Variants in USP8 observed in about 807,000 individuals in gnomAD.
USP8 encodes the protein ubiquitin specific peptidase 8.
A neutral mutation model predicts 130.0 loss-of-function variants in USP8; 27 were observed. That is an observed-to-expected ratio of 0.21 (90% CI 0.15 to 0.29). USP8 has a LOEUF of 0.29. USP8 is among the 10% of genes least tolerant of loss of function. The pLI is 1.00. For synonymous variants in USP8, 392 were observed against 444.1 expected (o/e 0.88, Z 1.48); for missense variants, 1,029 against 1,312.2 (o/e 0.78, Z 3.33).
At chr15:50,475,730 G>A (rs2051546372) in intron 8 of USP8, among the ~76,000 whole-genome samples, 1 of 152,068 alleles carries the variant, frequency 6.6e-6, no homozygotes, top group Non-Finnish European at 1.5e-5. Context: ...AGCCTCCCAA[G>A]TAGCTGGGAT....
chr15:50,459,648 A>T (rs1033483544), intron 5 of USP8, among the ~76,000 whole-genome samples: 1 of 152,158 alleles, frequency 6.6e-6, no homozygotes. Flanking sequence ...TTTTTCTGTG[A>T]ATTTCTATGG....
At position 50,494,160 on chromosome 15, in the gene USP8, T is replaced by G. The variant is rs1379667337; in HGVS notation, c.2538T>G (p.Ser846Arg). ...GGACAGGACAGTATAGATATATCAG[T>G]CCAAAGGACTTTAAAATCACCATTG... ...ALWTGQYRYI[S>R]PKDFKITIGK... The change falls in exon 16 of 20, where the codon AGT becomes AGG. Residue 846 changes from serine (S) to arginine (R), a missense_variant. By Grantham distance (110) the Ser-to-Arg change is moderately radical. Around this residue, in one of 4 missense-constraint regions of USP8, gnomAD observed 257 missense variants for 429.8 expected, o/e 0.60. Coordinates refer to ENST00000307179, the MANE Select transcript of USP8 (RefSeq NM_005154.5). The G allele has an allele frequency of 6.2e-7, 1 of 1,613,288 alleles. No homozygotes were observed. Among genetic ancestry groups the G allele is most frequent in the Non-Finnish European group, 8.5e-7 (1 of 1,179,944 alleles).
intron 3 of USP8, among the ~76,000 whole-genome samples, chr15:50,446,502 A>T (rs2050445682): frequency 6.6e-6 from 1 of 152,228 alleles, no homozygotes; most frequent in African/African-American, 2.4e-5. Flanking sequence ...ATTTATTCAG[A>T]ATGATTACAT....
rs529218832 is a variant in USP8, at chr15:50,496,118, T to C, written c.2895+34T>C. On this transcript the variant is annotated intron_variant, in intron 17 of 19. Transcript: ENST00000307179. Reference sequence around the variant, plus strand: ...AAGAAGTAGAGAGAAAATGATTTATTGGATAAAAATGCTGTTTTTATGGAT... The same window carrying C: ...AAGAAGTAGAGAGAAAATGATTTATCGGATAAAAATGCTGTTTTTATGGAT... The C allele has an allele frequency of 6.4e-5, 95 of 1,494,416 alleles. No homozygotes were observed. The East Asian group carries it at 1.6e-3, about 25-fold the overall frequency. The allele number at this position is 1,494,416 out of a possible 1,614,324, so 92.6% of individuals were successfully genotyped here. A position where few individuals can be genotyped will look rare whatever the true frequency, so the allele number is the denominator to read the frequency against.
chr15:50,452,471 G>T lies in USP8; in HGVS notation c.335+2986G>T, dbSNP rs2050655923. Among the ~76,000 whole-genome samples the T allele has an allele frequency of 2.0e-5, 3 of 152,324 alleles. No homozygotes were observed. In the South Asian group the frequency reaches 6.2e-4, roughly 32 times the overall value. ...ACAAATCCAAGGTAGGGGGTAAGGT[G>T]TGGATAAGAGAAGAAAATAGGAAAA... On this transcript the variant is annotated intron_variant, in intron 4 of 19. Transcript: ENST00000307179.
rs1566901646 is a variant in USP8, at chr15:50,507,022, C to A, written c.*7934C>A. 1 of 146,898 alleles carries A rather than the reference C, an allele frequency of 6.8e-6. No individual in the cohort carries two copies. The highest frequency in any genetic ancestry group is 2.0e-4 in the East Asian group (1 of 4,998). The allele number at this position is 146,898 out of a possible 1,614,324, so 9.1% of individuals were successfully genotyped here. ...TTTAGGCCAAGTGTGGTGGCTCATG[C>A]CTGTAATCCCAACACTTTGGGAGGC... On this transcript the variant is annotated 3_prime_UTR_variant, in exon 20 of 20. Transcript: ENST00000307179.
At chr15:50,488,447 C>T (rs958535761) in intron 12 of USP8, among the ~76,000 whole-genome samples, 4 of 151,974 alleles carry the variant, frequency 2.6e-5, no homozygotes, top group Middle Eastern at 3.4e-3. Context: ...CATAGCTCAC[C>T]TGACCACCTG....
At chr15:50,490,906 CT>C (rs141776490) in intron 14 of USP8, among the ~76,000 whole-genome samples, 1,696 of 152,238 alleles carry the variant, frequency 0.011, 30 homozygotes, top group African/African-American at 0.039. Flanking sequence ...AAGTTCCAAA[CT>C]TTTTTTCCCC....
At chr15:50,496,287 C>G (rs953801497) in intron 17 of USP8, among the ~76,000 whole-genome samples, 1 of 152,012 alleles carries the variant, frequency 6.6e-6, no homozygotes, top group African/African-American at 2.4e-5. Flanking sequence ...CGAGACCATC[C>G]TGGATAACAC....
intron 8 of USP8, among the ~76,000 whole-genome samples, chr15:50,475,038 G>T (rs894916966): frequency 9.2e-5 from 14 of 152,232 alleles, no homozygotes; most frequent in African/African-American, 3.4e-4. Flanking sequence ...GAACCCAGTG[G>T]GCAGAGGTTG....
chr15:50,464,385 C>T (rs2051110785), intron 6 of USP8, among the ~76,000 whole-genome samples: 1 of 152,154 alleles, frequency 6.6e-6, no homozygotes, highest in Non-Finnish European at 1.5e-5. Flanking sequence ...TTCCAGTTAG[C>T]ATTTTTCTAA....
chr15:50,481,958 A>G lies in USP8; in HGVS notation c.1696A>G (p.Lys566Glu). ...KSEHETSDAK[K>E]SVEDRGKRCP... ...TGAACATGAAACTTCTGATGCCAAG[A>G]AATCTGTAGAAGATAGGGGGAAAAG... Residue 566 changes from lysine to glutamate, a missense_variant, in exon 11 of 20, where the codon AAA becomes GAA. Physicochemically the swap from Lys to Glu is moderately conservative, Grantham distance 56. This residue lies in a region of USP8 where 486 missense variants were observed against 522.0 expected (regional missense o/e 0.93). Coordinates refer to ENST00000307179, the MANE Select transcript of USP8 (RefSeq NM_005154.5). The G allele has an allele frequency of 6.2e-7, 1 of 1,606,428 alleles. No homozygotes were observed. Among genetic ancestry groups the G allele is most frequent in the Non-Finnish European group, 8.5e-7 (1 of 1,178,166 alleles).
chr15:50,431,844 C>T (rs1280170796), intron 1 of USP8, among the ~76,000 whole-genome samples: 6 of 151,836 alleles, frequency 4.0e-5, no homozygotes, highest in Admixed American at 2.0e-4. Context: ...TTAGTAGAGA[C>T]GGGGTTTCTC....
rs752653992 is a variant in USP8 at position 50,462,349 on chromosome 15, G to GT, written c.541+31dup. On this transcript the variant is annotated intron_variant, in intron 6 of 19. Transcript: ENST00000307179. Reference sequence around the variant, plus strand: ...TAAGTGTGTACAGAAGGAGGAAGTTGTTTTAGGTTCTGACTGAGATCTTTT... The same window carrying GT: ...TAAGTGTGTACAGAAGGAGGAAGTTGTTTTTAGGTTCTGACTGAGATCTTTT... 4 of 1,578,298 alleles carry GT rather than the reference G, an allele frequency of 2.5e-6. No homozygotes were observed. The South Asian group carries it at 4.8e-5, about 19-fold the overall frequency.
chr15:50,482,130 C>A (rs1381365535), intron 11 of USP8, 65 bp downstream of exon 11: 13 of 1,382,908 alleles, frequency 9.4e-6, no homozygotes, highest in Non-Finnish European at 1.2e-5. Flanking sequence ...TGTGAAAACA[C>A]CAGTGGCATT....
Position 50,500,900 on chromosome 15 carries a change from A to T in USP8, c.*1812A>T. 4 of 1,277,424 alleles carry T rather than the reference A, an allele frequency of 3.1e-6. No individual in the cohort carries two copies. The Admixed American group carries it at 5.9e-5, about 19-fold the overall frequency. The allele number at this position is 1,277,424 out of a possible 1,614,324, so 79.1% of individuals were successfully genotyped here. On this transcript the variant is annotated 3_prime_UTR_variant, in exon 20 of 20. Transcript: ENST00000307179. Reference sequence around the variant, plus strand: ...ATGAACACTAACTACTGGAACAGAAATGATAGGGCCAAGAGATGCTTTTTA... The same window carrying T: ...ATGAACACTAACTACTGGAACAGAATTGATAGGGCCAAGAGATGCTTTTTA...
rs2051386008 is a variant in USP8, at chr15:50,471,785, C to T, written c.839C>T (p.Ala280Val). The change falls in exon 8 of 20, where the codon GCA becomes GTA. Residue 280 changes from alanine (A) to valine (V), a missense_variant. Physicochemically the swap from Ala to Val is moderately conservative, Grantham distance 64. Transcript: ENST00000307179. ...ACAACTCTCCGGAGTCTGAAAGATG[C>T]ACTTTTCAAGGTTTGCAAGTTTCAT... Reference protein sequence around the residue: ...IGTTLRSLKDALFKWESKTVL... With the variant: ...IGTTLRSLKDVLFKWESKTVL... 1.9e-6 allele frequency: 3 copies of T among 1,613,682 alleles called. No homozygotes were observed. The highest frequency in any genetic ancestry group is 1.7e-4 in the Middle Eastern group (1 of 6,060).
At chr15:50,469,465 G>C (rs1595948437) in intron 7 of USP8, among the ~76,000 whole-genome samples, 1 of 152,214 alleles carries the variant, frequency 6.6e-6, no homozygotes, top group South Asian at 2.1e-4. Context: ...TACCCCTAGG[G>C]TTGGAAATAG....
chr15:50,493,037 A>C (rs2052236657), intron 15 of USP8, 124 bp downstream of exon 15: 2 of 1,030,602 alleles, frequency 1.9e-6, no homozygotes, highest in Non-Finnish European at 2.9e-6. Flanking sequence ...ATTTGTAAAG[A>C]ACAAAAATTT....
Sources: gnomAD v4.1 joint callset for allele counts (sites outside exome capture counted in the v4.1 genomes callset) on GRCh38, gnomAD v4.1.1 for gene constraint, gnomAD v4.1.1 regional missense constraint, MANE v1.5 for transcripts, NCBI Gene and HGNC (gene_info 2026-07-23, HGNC 2026-07-21) for gene names.